SEC14L6: variants seen among roughly 807,000 people sequenced by gnomAD.
The protein encoded by SEC14L6 is SEC14-like protein 6.
In SEC14L6, 40 loss-of-function variants were observed where a neutral mutation model predicts 54.1. That is an observed-to-expected ratio of 0.74 (90% CI 0.57 to 0.96). The LOEUF is 0.96. SEC14L6 is among the 40% of genes least tolerant of loss of function. The probability of loss-of-function intolerance (pLI) is 0.00; values close to 1 mark genes in which losing one functional copy is unlikely to be tolerated. For missense variants in SEC14L6, 471 were observed against 498.3 expected (o/e 0.95, Z 0.52); for synonymous variants, 171 against 198.4 (o/e 0.86, Z 1.16).
In SEC14L6 at chr22:30,532,710, C is replaced by A. The variant is rs566338547; in HGVS notation, c.238G>T (p.Val80Phe). ...ATGCCGTTAGCGTTGTACAGCCTGACCACCTGGATGCATACACAGGAGACG... is the reference window on the plus strand; with the variant it reads ...ATGCCGTTAGCGTTGTACAGCCTGAACACCTGGATGCATACACAGGAGACG... ...NILAWQPPEVVRLYNANGICG... is the reference protein window; with the variant it reads ...NILAWQPPEVFRLYNANGICG... Residue 80 changes from valine (V) to phenylalanine (F), a missense_variant, in exon 5 of 12, where the codon GTC becomes TTC. Coordinates refer to ENST00000402034, the MANE Select transcript of SEC14L6 (RefSeq NM_001193336.4). 6.4e-7 allele frequency: 1 copy of A among 1,570,650 alleles called. No homozygotes were observed. The highest frequency in any genetic ancestry group is 1.2e-5 in the South Asian group (1 of 86,630).
Position 30,532,838 on chromosome 22 carries a change from G to C in SEC14L6, c.193C>G (p.Gln65Glu), listed in dbSNP as rs768715092. ...GCAAGGATGTTGGCCAGGTCTTGTT[G>C]CTTCCGGAACTCCATATGCTGCAGA... Reference protein sequence around the residue: ...MLRKHMEFRKQQDLANILAWQ... With the variant: ...MLRKHMEFRKEQDLANILAWQ... The change falls in exon 4 of 12, where the codon CAA (glutamine) becomes GAA (glutamate). Residue 65 changes from glutamine (Q) to glutamate (E), a missense_variant. Coordinates refer to ENST00000402034, the MANE Select transcript of SEC14L6 (RefSeq NM_001193336.4). 6.2e-6 allele frequency: 10 copies of C among 1,613,638 alleles called. No homozygotes were observed. The Admixed American group carries it at 1.5e-4, about 24-fold the overall frequency.
At chr22:30,533,898 A>C (rs1177358754) in intron 3 of SEC14L6, 98 bp downstream of exon 3, 2 of 1,137,268 alleles carry the variant, frequency 1.8e-6, no homozygotes, top group African/African-American at 3.1e-5. Flanking sequence ...GTGTTCCATG[A>C]ATGAATGAAT....
In SEC14L6 at chr22:30,532,749, G is replaced by A. The variant is rs750053749; in HGVS notation, c.235-36C>T. 6.3e-6 allele frequency: 10 copies of A among 1,599,552 alleles called. No individual in the cohort carries two copies. In the East Asian group the frequency reaches 6.8e-5, roughly 11 times the overall value. On this transcript the variant is annotated intron_variant, in intron 4 of 11. Coordinates refer to ENST00000402034, the MANE Select transcript of SEC14L6 (RefSeq NM_001193336.4). The stretch of plus-strand genomic sequence containing the variant: ...ACACAGGAGACGGGGGTTCAGTGCC[G>A]AGGGCTGAGGGCCCAGGGATCAGGG...
chr22:30,534,523 T>C (rs1052935302), intron 2 of SEC14L6, among the ~76,000 whole-genome samples: 1 of 152,006 alleles, frequency 6.6e-6, no homozygotes, highest in Non-Finnish European at 1.5e-5. Context: ...GTGATTCTCC[T>C]GCCTCAGTCT....
intron 1 of SEC14L6, chr22:30,544,116 C>T (rs1568977154): frequency 7.4e-7 from 1 of 1,349,904 alleles, no homozygotes; most frequent in African/African-American, 1.4e-5. Context: ...CACCCATCTC[C>T]ATGCTCTTCC....
chr22:30,544,958 G>A (rs1198127664), intron 1 of SEC14L6, among the ~76,000 whole-genome samples: 2 of 151,944 alleles, frequency 1.3e-5, no homozygotes, highest in African/African-American at 4.8e-5. Flanking sequence ...CCACTCCAGC[G>A]CCCGGTCGCC....
intron 1 of SEC14L6, chr22:30,542,965 G>T (rs1383906071): frequency 2.5e-6 from 4 of 1,601,242 alleles, no homozygotes; most frequent in Non-Finnish European, 3.4e-6. Context: ...CCCTGACGTG[G>T]AGTTGAAGTC....
Position 30,524,883 on chromosome 22 carries a change from G to A in SEC14L6, c.*114C>T. 1.5e-6 allele frequency: 1 copy of A among 669,930 alleles called. No homozygotes were observed. Among genetic ancestry groups the A allele is most frequent in the Non-Finnish European group, 2.7e-6 (1 of 363,720 alleles). 41.5% of individuals were successfully genotyped at this position (669,930 alleles called of 1,614,324 possible). A position where few individuals can be genotyped will look rare whatever the true frequency, so the allele number is the denominator to read the frequency against. On this transcript the variant is annotated 3_prime_UTR_variant, in exon 12 of 12. Coordinates refer to ENST00000402034, the MANE Select transcript of SEC14L6 (RefSeq NM_001193336.4). Reference sequence around the variant, plus strand: ...AGCTGTGATGCATAGGCTGTGACCTGCTGTTGTAGAATCCCTGTTCCTGAG... The same window carrying A: ...AGCTGTGATGCATAGGCTGTGACCTACTGTTGTAGAATCCCTGTTCCTGAG...
chr22:30,543,481 A>G (rs2085759997), intron 1 of SEC14L6: 1 of 1,612,442 alleles, frequency 6.2e-7, no homozygotes, highest in Non-Finnish European at 8.5e-7. Context: ...TCTTACAGAG[A>G]ACAAGGATGG....
At position 30,546,510 on chromosome 22, in the gene SEC14L6, G is replaced by A. The variant is rs968474920; in HGVS notation, c.54+119C>T. On this transcript the variant is annotated intron_variant, in intron 1 of 11. Coordinates refer to ENST00000402034, the MANE Select transcript of SEC14L6 (RefSeq NM_001193336.4). The stretch of plus-strand genomic sequence containing the variant: ...AGCCTCTGGCTACCAAGCCCCTCAG[G>A]GTTGGGAAGAGACCCAGAGCTGGAG... The A allele has an allele frequency of 1.0e-4, 88 of 871,648 alleles. No homozygotes were observed. In the South Asian group the frequency reaches 1.4e-3, roughly 14 times the overall value. The allele number at this position is 871,648 out of a possible 1,614,324, so 54.0% of individuals were successfully genotyped here.
intron 2 of SEC14L6, among the ~76,000 whole-genome samples, chr22:30,535,602 C>T (rs1937117625): frequency 6.6e-6 from 1 of 152,170 alleles, no homozygotes; most frequent in Non-Finnish European, 1.5e-5. Context: ...GAACTCCAAT[C>T]GGGACTCTTT....
Position 30,531,915 on chromosome 22 carries a change from C to G in SEC14L6, c.507G>C (p.Glu169Asp), listed in dbSNP as rs1317893990. 2.6e-6 allele frequency: 4 copies of G among 1,550,566 alleles called. No homozygotes were observed. In the South Asian group the frequency reaches 4.8e-5, roughly 18 times the overall value. The change falls in exon 6 of 12, where the codon GAG (glutamate) becomes GAC (aspartate). Residue 169 changes from glutamate (E) to aspartate (D), a missense_variant. Coordinates refer to ENST00000402034, the MANE Select transcript of SEC14L6 (RefSeq NM_001193336.4). Reference protein sequence around the residue: ...GLRDLWKPGIELLQEFFSALE... With the variant: ...GLRDLWKPGIDLLQEFFSALE... ...GGGGTCACCTCACCTCCTGGAGAAG[C>G]TCTATTCCTGGCTTCCACAGATCCC...
intron 5 of SEC14L6, 199 bp downstream of exon 5, chr22:30,532,326 G>A (rs1490021452): frequency 2.1e-6 from 2 of 969,266 alleles, no homozygotes; most frequent in African/African-American, 3.5e-5. Context: ...GGGGCCAATT[G>A]GGGGAGAAAT....
At chr22:30,533,671 G>A (rs1057390004) in intron 3 of SEC14L6, among the ~76,000 whole-genome samples, 3 of 151,650 alleles carry the variant, frequency 2.0e-5, no homozygotes, top group Non-Finnish European at 2.9e-5. Flanking sequence ...TCTTCACCCT[G>A]ATCTTCACAT....
In SEC14L6 at chr22:30,525,419, G is replaced by A. The variant is rs778290871; in HGVS notation, c.1012C>T (p.Pro338Ser). The A allele has an allele frequency of 3.1e-6, 5 of 1,614,178 alleles. No individual in the cohort carries two copies. Among genetic ancestry groups the A allele is most frequent in the Non-Finnish European group, 4.2e-6 (5 of 1,180,024 alleles). ...ATGTGGGCATTGTAGCGCTGGCTGG[G>A]CAGCACCTCTGTCATCTCCCTAGCC... Reference protein sequence around the residue: ...QRAREMTEVLPSQRYNAHMVP... With the variant: ...QRAREMTEVLSSQRYNAHMVP... The change falls in exon 11 of 12, where the codon CCC (proline) becomes TCC (serine). Residue 338 changes from proline (P) to serine (S), a missense_variant. Coordinates refer to ENST00000402034, the MANE Select transcript of SEC14L6 (RefSeq NM_001193336.4).
At chr22:30,527,587 T>C (rs531182914) in intron 8 of SEC14L6, among the ~76,000 whole-genome samples, 2 of 151,932 alleles carry the variant, frequency 1.3e-5, no homozygotes, top group African/African-American at 2.4e-5. Flanking sequence ...GGTGTGGTCA[T>C]GCCTGTAGTC....
chr22:30,542,535 G>C (rs2085739343), intron 1 of SEC14L6: 1 of 1,153,472 alleles, frequency 8.7e-7, no homozygotes, highest in Non-Finnish European at 1.2e-6. Context: ...GGCGCTTCTA[G>C]TGCCTTCCAG....
At chr22:30,538,755 C>A (rs1186396232) in intron 2 of SEC14L6, 72 bp downstream of exon 2, 3 of 985,842 alleles carry the variant, frequency 3.0e-6, no homozygotes, top group African/African-American at 1.7e-5. Flanking sequence ...TAATTTGATA[C>A]ACTCAATAGA....
chr22:30,534,189 G>A, intron 2 of SEC14L6, 150 bp from the exon 3 acceptor site: 1 of 637,578 alleles, frequency 1.6e-6, no homozygotes, highest in South Asian at 2.1e-5. Context: ...CACAATGGCT[G>A]AGATATCCGG....
Sources: gnomAD v4.1 joint callset for allele counts (sites outside exome capture counted in the v4.1 genomes callset) on GRCh38, gnomAD v4.1.1 for gene constraint, MANE v1.5 for transcripts, NCBI Gene and HGNC (gene_info 2026-07-23, HGNC 2026-07-21) for gene names.